SCML2: variants seen among roughly 807,000 people sequenced by gnomAD.
SCML2 encodes the protein Scm polycomb group protein like 2, also known as sex comb on midleg-like protein 2.
SCML2 carries 6 observed loss-of-function variants against 48.4 expected under a neutral mutation model. The ratio of observed to expected loss-of-function variants is 0.12; its 90% confidence interval spans 0.07 to 0.24. SCML2 has a LOEUF of 0.24. Ranked by LOEUF, SCML2 falls within the 10% of genes least tolerant of loss-of-function variation. The pLI is 1.00. For missense variants in SCML2, 377 were observed against 528.2 expected (o/e 0.71, Z 2.81); for synonymous variants, 181 against 189.5 (o/e 0.95, Z 0.37).
At chrX:18,343,611 T>G (rs748027202) in intron 1 of SCML2, among the ~76,000 whole-genome samples, 1 of 108,238 alleles carries the variant, frequency 9.2e-6, no homozygotes, top group Non-Finnish European at 1.9e-5. Flanking sequence ...AATACAAAAA[T>G]TAGCCAGGTG....
chrX:18,340,396 G>T (rs1241271841), intron 1 of SCML2, among the ~76,000 whole-genome samples: 3 of 111,955 alleles, frequency 2.7e-5, no homozygotes, highest in Non-Finnish European at 3.8e-5. Flanking sequence ...GCAACAGAGT[G>T]AGACCCTGTC....
chrX:18,342,549 C>G (rs972891138), intron 1 of SCML2, among the ~76,000 whole-genome samples: 10 of 110,279 alleles, frequency 9.1e-5, no homozygotes, highest in Non-Finnish European at 1.7e-4. Flanking sequence ...CCATCTCTAC[C>G]AAAAATACAA....
intron 7 of SCML2, among the ~76,000 whole-genome samples, chrX:18,283,369 T>C (rs1219485455): frequency 8.9e-6 from 1 of 111,875 alleles, no homozygotes; most frequent in Non-Finnish European, 1.9e-5. Context: ...GCTGGAACCA[T>C]TCCCCTTAAG....
chrX:18,302,541 C>T (rs1928628159), intron 7 of SCML2, among the ~76,000 whole-genome samples: 1 of 111,433 alleles, frequency 9.0e-6, no homozygotes, highest in East Asian at 2.8e-4. Context: ...CAAGCTCCCC[C>T]AGGCAATTCA....
At chrX:18,293,964 C>T (rs1171371329) in intron 7 of SCML2, among the ~76,000 whole-genome samples, 1 of 111,736 alleles carries the variant, frequency 8.9e-6, no homozygotes, top group Non-Finnish European at 1.9e-5. Context: ...AGACAGAATG[C>T]CACTAGCAGA....
At chrX:18,247,918 G>A (rs1194471848) in intron 11 of SCML2, 36 bp from the exon 12 acceptor site, 17 of 976,734 alleles carry the variant, frequency 1.7e-5, no homozygotes, top group Non-Finnish European at 2.3e-5. Flanking sequence ...CTGTTATAAC[G>A]AACTAATATA....
chrX:18,343,205 G>A (rs1930075743), intron 1 of SCML2, among the ~76,000 whole-genome samples: 2 of 105,458 alleles, frequency 1.9e-5, no homozygotes, highest in Middle Eastern at 4.7e-3. Flanking sequence ...TTTAAGATAA[G>A]GTAAGCTACA....
At chrX:18,251,128 A>C (rs1926642914) in intron 11 of SCML2, among the ~76,000 whole-genome samples, 1 of 108,070 alleles carries the variant, frequency 9.3e-6, no homozygotes, top group Non-Finnish European at 1.9e-5. Context: ...ACACAGCCAA[A>C]CCATGCCACC....
chrX:18,315,101 CAAAA>C (rs761378739), intron 6 of SCML2, among the ~76,000 whole-genome samples: 1 of 23,446 alleles, frequency 4.3e-5, no homozygotes, highest in Non-Finnish European at 8.3e-5. Flanking sequence ...TCTGTCTCAC[CAAAA>C]AAAAAAAAAA....
At chrX:18,278,761 A>T (rs1927729554) in intron 7 of SCML2, among the ~76,000 whole-genome samples, 2 of 112,950 alleles carry the variant, frequency 1.8e-5, no homozygotes, top group African/African-American at 6.4e-5. Context: ...CAAGAAGCAC[A>T]TCAGATCCCC....
intron 6 of SCML2, among the ~76,000 whole-genome samples, chrX:18,313,004 T>TGC (rs1929004709): frequency 1.1e-5 from 1 of 90,418 alleles, no homozygotes; most frequent in African/African-American, 5.0e-5. Flanking sequence ...TGTGTGTGTG[T>TGC]GTGCGCGTGT....
At chrX:18,352,278 C>T (rs1344218239) in intron 1 of SCML2, among the ~76,000 whole-genome samples, 1 of 111,819 alleles carries the variant, frequency 8.9e-6, no homozygotes, top group African/African-American at 3.2e-5. Context: ...TAAAAAATAC[C>T]CAATCTTCAG....
chrX:18,317,347 A>G (rs1779929417), intron 6 of SCML2, among the ~76,000 whole-genome samples: 1 of 112,259 alleles, frequency 8.9e-6, no homozygotes, highest in Admixed American at 9.4e-5. Context: ...CCATCCTTAC[A>G]GTTAAGTCAA....
intron 6 of SCML2, among the ~76,000 whole-genome samples, chrX:18,317,695 G>A (rs997581504): frequency 9.1e-6 from 1 of 109,506 alleles, no homozygotes; most frequent in Non-Finnish European, 1.9e-5. Flanking sequence ...TTAGCCGGGC[G>A]TGGTAGCAGG....
chrX:18,277,051 TA>T (rs1927670338), intron 7 of SCML2, among the ~76,000 whole-genome samples: 1 of 109,751 alleles, frequency 9.1e-6, no homozygotes, highest in Non-Finnish European at 1.9e-5. Flanking sequence ...TTGGGATAAA[TA>T]AAAACAAGGA....
intron 3 of SCML2, among the ~76,000 whole-genome samples, chrX:18,325,584 T>A (rs1290240316): frequency 8.9e-6 from 1 of 111,751 alleles, no homozygotes; most frequent in Non-Finnish European, 1.9e-5. Context: ...ATGGATTATT[T>A]TAATGACCTA....
chrX:18,302,034 G>T (rs1928607245), intron 7 of SCML2, among the ~76,000 whole-genome samples: 1 of 111,272 alleles, frequency 9.0e-6, no homozygotes, highest in Admixed American at 9.6e-5. Context: ...GAGGGTAAAG[G>T]GACATAAAGT....
chrX:18,302,566 T>C (rs1304411800), intron 7 of SCML2, among the ~76,000 whole-genome samples: 2 of 111,575 alleles, frequency 1.8e-5, no homozygotes, highest in Non-Finnish European at 3.8e-5. Flanking sequence ...TGATAATTAC[T>C]GCTTTAAATG....
chrX:18,347,368 C>T (rs1352778152), intron 1 of SCML2, among the ~76,000 whole-genome samples: 1 of 108,736 alleles, frequency 9.2e-6, no homozygotes, highest in Non-Finnish European at 1.9e-5. Context: ...TCGCTTGAAT[C>T]TGGGAGGGGG....
Sources: gnomAD v4.1 joint callset for allele counts (sites outside exome capture counted in the v4.1 genomes callset) on GRCh38, gnomAD v4.1.1 for gene constraint, MANE v1.5 for transcripts, NCBI Gene and HGNC (gene_info 2026-07-23, HGNC 2026-07-21) for gene names.